The following DPP6 variants were observed in gnomAD, a reference collection of about 807,000 sequenced individuals.
DPP6 encodes the protein A-type potassium channel modulatory protein DPP6.
In DPP6, 69 loss-of-function variants were observed where a neutral mutation model predicts 122.6. The observed-to-expected ratio is 0.56, with a 90% CI of 0.46 to 0.69. The LOEUF (loss-of-function observed/expected upper bound fraction) is 0.69. Ranked by LOEUF, DPP6 falls within the 30% of genes least tolerant of loss-of-function variation. The pLI is 0.00. For synonymous variants in DPP6, 418 were observed against 433.1 expected (o/e 0.97, Z 0.43); for missense variants, 928 against 1,116.9 (o/e 0.83, Z 2.41).
chr7:153,945,620 A>G (rs1348621613), intron 1 of DPP6, among the ~76,000 whole-genome samples: 1 of 152,182 alleles, frequency 6.6e-6, no homozygotes, highest in Admixed American at 6.5e-5. Context: ...TGCTCTTCCT[A>G]CTTTTTTCTT....
chr7:154,592,247 A>G (rs887876589), intron 5 of DPP6, among the ~76,000 whole-genome samples: 4 of 152,244 alleles, frequency 2.6e-5, no homozygotes, highest in Admixed American at 1.3e-4. Flanking sequence ...TTTCTGGCTT[A>G]AGACACTGCT....
At chr7:154,213,041 C>T (rs896259084) in intron 1 of DPP6, among the ~76,000 whole-genome samples, 5 of 152,186 alleles carry the variant, frequency 3.3e-5, no homozygotes, top group African/African-American at 4.8e-5. Context: ...CAGACATCAG[C>T]GCTTGCTCAG....
At chr7:154,348,806 G>C (rs1810607724) in intron 1 of DPP6, among the ~76,000 whole-genome samples, 1 of 152,106 alleles carries the variant, frequency 6.6e-6, no homozygotes, top group Non-Finnish European at 1.5e-5. Context: ...GTTACTTTTT[G>C]CCTACTTCAC....
rs550057055 is a variant in DPP6, at chr7:154,469,454, G to A, written c.359-5485G>A. 1.6e-4 allele frequency among the ~76,000 whole-genome samples: 24 copies of A among 152,248 alleles called. No individual in the cohort carries two copies. In the South Asian group the frequency reaches 3.3e-3, roughly 21 times the overall value. Reference sequence around the variant, plus strand: ...ACAGCTGCTGCCACGGCTTCCTTCCGTCTCTAGGGTTTTTGTGTATGGATG... The same window carrying A: ...ACAGCTGCTGCCACGGCTTCCTTCCATCTCTAGGGTTTTTGTGTATGGATG... On this transcript the variant is annotated intron_variant, in intron 2 of 25. Transcript: ENST00000377770.
chr7:154,380,055 C>T (rs955426487), intron 1 of DPP6, among the ~76,000 whole-genome samples: 3 of 151,940 alleles, frequency 2.0e-5, no homozygotes, highest in African/African-American at 4.8e-5. Context: ...AAGAAACCAA[C>T]CAAAAAGTAA....
intron 1 of DPP6, among the ~76,000 whole-genome samples, chr7:154,409,590 C>T (rs1816420656): frequency 1.3e-5 from 2 of 152,174 alleles, no homozygotes; most frequent in Non-Finnish European, 2.9e-5. Context: ...GACGTGGTCT[C>T]CCTCTCATGT....
At chr7:153,760,998 C>T in the DPP6 span, among the ~76,000 whole-genome samples, 2 of 152,126 alleles carry the variant, frequency 1.3e-5, no homozygotes, top group Non-Finnish European at 2.9e-5. Flanking sequence ...ATCTGTTTAG[C>T]TCAGAGTCTC....
intron 5 of DPP6, among the ~76,000 whole-genome samples, chr7:154,583,551 C>A (rs528527180): frequency 7.9e-5 from 12 of 152,206 alleles, no homozygotes; most frequent in Non-Finnish European, 1.2e-4. Flanking sequence ...ACGGCAACTA[C>A]TGCATCGGCT....
At chr7:154,494,544 T>A (rs1824558980) in intron 3 of DPP6, among the ~76,000 whole-genome samples, 1 of 151,994 alleles carries the variant, frequency 6.6e-6, no homozygotes, top group South Asian at 2.1e-4. Flanking sequence ...AATATGTTCT[T>A]ATAATTTTTG....
chr7:153,971,659 C>G, intron 1 of DPP6, among the ~76,000 whole-genome samples: 1 of 137,840 alleles, frequency 7.3e-6, no homozygotes, highest in Non-Finnish European at 1.6e-5. Flanking sequence ...TCCTTGCATG[C>G]GTTCTATGAA....
chr7:154,423,253 G>T (rs1411062960), intron 1 of DPP6, among the ~76,000 whole-genome samples: 2 of 152,188 alleles, frequency 1.3e-5, no homozygotes, highest in Admixed American at 1.3e-4. Context: ...AGTGGAGAGA[G>T]TTAAGCAGGA....
At chr7:154,205,769 TAAAA>T (rs35151924) in intron 1 of DPP6, among the ~76,000 whole-genome samples, 36,321 of 150,222 alleles carry the variant, frequency 0.24, 5,144 homozygotes, top group African/African-American at 0.4. Context: ...CTAGAATTGT[TAAAA>T]AAAAAAAAAA....
intron 12 of DPP6, among the ~76,000 whole-genome samples, chr7:154,799,973 A>T (rs1032533942): frequency 2.0e-5 from 3 of 152,240 alleles, no homozygotes; most frequent in Non-Finnish European, 2.9e-5. Flanking sequence ...AGGCCTTCTT[A>T]TTATAAAAAC....
At chr7:153,759,388 G>T in the DPP6 span, among the ~76,000 whole-genome samples, 1 of 151,064 alleles carries the variant, frequency 6.6e-6, no homozygotes, top group African/African-American at 2.4e-5. Context: ...GCCCAATCTC[G>T]GCCCACTGCA....
intron 7 of DPP6, among the ~76,000 whole-genome samples, chr7:154,700,006 CCT>C (rs1840428281): frequency 6.6e-6 from 1 of 152,024 alleles, no homozygotes; most frequent in African/African-American, 2.4e-5. Context: ...GTAACATAGC[CCT>C]GAAATGAAAA....
intron 6 of DPP6, among the ~76,000 whole-genome samples, chr7:154,663,781 G>A (rs1169067887): frequency 8.3e-5 from 9 of 108,058 alleles, no homozygotes; most frequent in South Asian, 4.0e-4. Context: ...TCACCATGGC[G>A]TATCGGCCAT....
intron 2 of DPP6, among the ~76,000 whole-genome samples, chr7:154,464,074 T>C (rs769838057): frequency 3.4e-4 from 52 of 152,182 alleles, no homozygotes; most frequent in Non-Finnish European, 5.3e-4. Context: ...TTTCAAGTTA[T>C]TTTAGGACCC....
intron 1 of DPP6, among the ~76,000 whole-genome samples, chr7:154,064,099 A>G (rs1032203010): frequency 1.2e-4 from 18 of 152,152 alleles, no homozygotes; most frequent in South Asian, 4.1e-4. Context: ...GAGTTGTTCA[A>G]TGGTAGGACA....
At chr7:154,061,949 C>T (rs1243027290) in intron 1 of DPP6, among the ~76,000 whole-genome samples, 1 of 132,622 alleles carries the variant, frequency 7.5e-6, no homozygotes, top group Non-Finnish European at 1.6e-5. Flanking sequence ...GGGGAGGCAA[C>T]CCTGCGAGGG....
Sources: gnomAD v4.1 joint callset for allele counts (sites outside exome capture counted in the v4.1 genomes callset) on GRCh38, gnomAD v4.1.1 for gene constraint, MANE v1.5 for transcripts, NCBI Gene and HGNC (gene_info 2026-07-23, HGNC 2026-07-21) for gene names.